USH2A: variants seen among roughly 807,000 people sequenced by gnomAD.
USH2A encodes Usher syndrome 2A (autosomal recessive, mild).
In USH2A, 443 loss-of-function variants were observed where a neutral mutation model predicts 538.9. The observed-to-expected ratio is 0.82, with a 90% CI of 0.76 to 0.89. The LOEUF is 0.89. Among genes scored for constraint, USH2A ranks in the 40% least tolerant of loss-of-function variants. The pLI is 0.00. For missense variants in USH2A, 6,633 were observed against 6,324.8 expected, an observed-to-expected ratio of 1.05 and a Z score of -1.65; for synonymous variants, 2,413 against 2,273.5, an observed-to-expected ratio of 1.06 and a Z score of -1.75.
At chr1:215,955,331 T>G (rs1667036053) in intron 37 of USH2A, among the ~76,000 whole-genome samples, 2 of 152,150 alleles carry the variant, frequency 1.3e-5, no homozygotes, top group South Asian at 4.1e-4. Flanking sequence ...ACAGGCACCA[T>G]CATTCGTATA....
intron 43 of USH2A, among the ~76,000 whole-genome samples, chr1:215,872,552 T>C (rs1385432382): frequency 3.3e-5 from 5 of 152,216 alleles, no homozygotes; most frequent in African/African-American, 4.8e-5. Flanking sequence ...CCAATGAAAG[T>C]AGTTTTTCTG....
intron 11 of USH2A, among the ~76,000 whole-genome samples, chr1:216,281,964 C>T (rs2036791444): frequency 7.3e-6 from 1 of 137,344 alleles, no homozygotes. Context: ...TGACTAATGT[C>T]AAAAATCTTT....
At chr1:216,203,626 TTCATTTATTCCTC>T (rs894901957) in intron 16 of USH2A, among the ~76,000 whole-genome samples, 2 of 152,192 alleles carry the variant, frequency 1.3e-5, no homozygotes, top group African/African-American at 2.4e-5. Context: ...CTTATATTTC[TTCATTTATTCCTC>T]TCAGAGCTAA....
chr1:215,840,163 CAAAAAAAAAAA>C (rs60766928), intron 46 of USH2A, among the ~76,000 whole-genome samples: 5 of 29,516 alleles, frequency 1.7e-4, no homozygotes, highest in African/African-American at 2.2e-4. Flanking sequence ...GACTCTGTCT[CAAAAAAAAAAA>C]AAAAAAAAAA....
At chr1:216,242,766 C>A (rs1007587946) in intron 13 of USH2A, among the ~76,000 whole-genome samples, 3 of 152,088 alleles carry the variant, frequency 2.0e-5, no homozygotes, top group African/African-American at 7.2e-5. Context: ...TATTTGGTAA[C>A]CTCGATAATA....
chr1:215,811,254 T>TA (rs1662667111), intron 49 of USH2A, among the ~76,000 whole-genome samples: 1 of 152,206 alleles, frequency 6.6e-6, no homozygotes, highest in African/African-American at 2.4e-5. Context: ...AGCACCTTTA[T>TA]AAAATTAACA....
At chr1:215,854,265 T>C (rs1309325212) in intron 44 of USH2A, among the ~76,000 whole-genome samples, 1 of 152,148 alleles carries the variant, frequency 6.6e-6, no homozygotes, top group African/African-American at 2.4e-5. Flanking sequence ...ACTTATTCAC[T>C]ATCATGAGAA....
chr1:215,875,862 T>C (rs906892807), intron 43 of USH2A, among the ~76,000 whole-genome samples: 5 of 146,668 alleles, frequency 3.4e-5, no homozygotes, highest in African/African-American at 1.2e-4. Context: ...AATTAATATA[T>C]ATATTAATTA....
At chr1:215,631,227 A>AGT (rs145355299) in intron 70 of USH2A, among the ~76,000 whole-genome samples, 3,288 of 148,300 alleles carry the variant, frequency 0.022, 77 homozygotes, top group East Asian at 0.092. Context: ...GAGGGGGAGA[A>AGT]GTGTGTGTGT....
At position 215,624,990 on chromosome 1, in the gene USH2A, CTA is replaced by C. The variant is rs1655960443; in HGVS notation, c.*789_*790del. The stretch of plus-strand genomic sequence containing the variant: ...ATTTTATGAGAAACTAGTTTCAAAA[CTA>C]TAAAATATATGAAATAAAAACATTG... On this transcript the variant is annotated 3_prime_UTR_variant, in exon 72 of 72. Coordinates refer to ENST00000307340, the MANE Select transcript of USH2A (RefSeq NM_206933.4). 1 of 152,082 alleles carries C rather than the reference CTA, an allele frequency of 6.6e-6. No individual in the cohort carries two copies. The highest frequency in any genetic ancestry group is 1.5e-5 in the Non-Finnish European group (1 of 68,000). The allele number at this position is 152,082 out of a possible 1,614,324, so 9.4% of individuals were successfully genotyped here. A position where few individuals can be genotyped will look rare whatever the true frequency, so the allele number is the denominator to read the frequency against.
At chr1:215,640,770 A>C in intron 67 of USH2A, 36 bp from the exon 68 acceptor site, 1 of 1,610,878 alleles carries the variant, frequency 6.2e-7, no homozygotes, top group Non-Finnish European at 8.5e-7. Context: ...AAAAAGGGTA[A>C]CCTCTTTGAA....
intron 64 of USH2A, among the ~76,000 whole-genome samples, chr1:215,656,030 G>A (rs1185707867): frequency 5.3e-5 from 8 of 152,040 alleles, no homozygotes; most frequent in African/African-American, 1.7e-4. Context: ...CACCGCGCCC[G>A]GCCTGTGCTA....
intron 32 of USH2A, among the ~76,000 whole-genome samples, chr1:216,019,359 A>G (rs2102499778): frequency 6.6e-6 from 1 of 152,264 alleles, no homozygotes; most frequent in East Asian, 1.9e-4. Flanking sequence ...AATACTAAAA[A>G]CCATTCTTTG....
Position 216,325,465 on chromosome 1 carries a change from G to A in USH2A, c.983C>T (p.Ala328Val). 6.2e-7 allele frequency: 1 copy of A among 1,613,934 alleles called. No individual in the cohort carries two copies. Among genetic ancestry groups the A allele is most frequent in the South Asian group, 1.1e-5 (1 of 91,078 alleles). The part of the protein sequence containing the change: ...YCIPNDAGDT[A>V]DNRVSRLNPE... ...ATTCAACCGTGACACTCTATTATCAGCTGTGTCTCCTGCATCATTAGGAAT... is the reference window on the plus strand; with the variant it reads ...ATTCAACCGTGACACTCTATTATCAACTGTGTCTCCTGCATCATTAGGAAT... The change falls in exon 6 of 72, where the codon GCT (alanine) becomes GTT (valine). Residue 328 changes from alanine (A) to valine (V), a missense_variant. Transcript: ENST00000307340.
intron 11 of USH2A, among the ~76,000 whole-genome samples, chr1:216,285,781 C>T (rs1268235175): frequency 6.6e-6 from 1 of 152,206 alleles, no homozygotes; most frequent in Non-Finnish European, 1.5e-5. Context: ...CATCAGCATG[C>T]CCTGGATGTA....
At chr1:215,773,479 TC>T (rs1300841237) in intron 55 of USH2A, among the ~76,000 whole-genome samples, 4 of 121,444 alleles carry the variant, frequency 3.3e-5, no homozygotes, top group African/African-American at 1.7e-4. Flanking sequence ...TACGGATGTC[TC>T]TCTGTCTCTC....
intron 27 of USH2A, among the ~76,000 whole-genome samples, chr1:216,075,418 A>G (rs1052759225): frequency 6.6e-6 from 1 of 152,166 alleles, no homozygotes; most frequent in African/African-American, 2.4e-5. Flanking sequence ...GAGGAGTGGA[A>G]ATGCTTTCTT....
rs199823130 is a variant in USH2A, at chr1:216,086,832, G to A, written c.4886-12C>T. ...GATGGCAGAGGAACCTAGAGAAGAGGAGATGAGAAATACACCTTCACCAGG... is the reference window on the plus strand; with the variant it reads ...GATGGCAGAGGAACCTAGAGAAGAGAAGATGAGAAATACACCTTCACCAGG... On this transcript the variant is annotated splice_polypyrimidine_tract_variant and intron_variant, in intron 23 of 71. Coordinates refer to ENST00000307340, the MANE Select transcript of USH2A (RefSeq NM_206933.4). The A allele has an allele frequency of 1.8e-5, 29 of 1,598,554 alleles. 1 individual carries two copies. In the East Asian group the frequency reaches 2.9e-4, roughly 16 times the overall value.
intron 4 of USH2A, among the ~76,000 whole-genome samples, chr1:216,352,108 A>G (rs1259521392): frequency 6.6e-6 from 1 of 152,142 alleles, no homozygotes; most frequent in Non-Finnish European, 1.5e-5. Context: ...AGTTCAGGAA[A>G]GAGGCTGGGG....
Sources: allele counts gnomAD v4.1 joint callset (sites outside exome capture counted in the v4.1 genomes callset), GRCh38; gene constraint gnomAD v4.1.1; transcripts MANE v1.5; gene names NCBI Gene and HGNC (gene_info 2026-07-23, HGNC 2026-07-21).